The following CR1 variants were observed in gnomAD, a reference collection of about 807,000 sequenced individuals.
The protein encoded by CR1 is complement C3b/C4b receptor 1 (Knops blood group).
Under a neutral mutation model 187.3 loss-of-function variants are expected in CR1, and 116 were observed. The ratio of observed to expected loss-of-function variants is 0.62; its 90% CI spans 0.53 to 0.72. The LOEUF is 0.72. Ranked by LOEUF, CR1 falls within the 30% of genes least tolerant of loss-of-function variation. The pLI is 0.00. For synonymous variants in CR1, 576 were observed against 747.1 expected (o/e 0.77, Z 3.73); for missense variants, 1,731 against 2,110.7 (o/e 0.82, Z 3.52).
intron 35 of CR1, among the ~76,000 whole-genome samples, chr1:207,596,910 G>A (rs1485654924): frequency 6.8e-6 from 1 of 147,740 alleles, no homozygotes; most frequent in Non-Finnish European, 1.5e-5. Flanking sequence ...TTTTATACTG[G>A]TGTAAAGTAC....
chr1:207,581,494 CATG>C (rs898418881), intron 31 of CR1, among the ~76,000 whole-genome samples: 11 of 99,754 alleles, frequency 1.1e-4, no homozygotes, highest in African/African-American at 3.5e-4. Context: ...AATTTGCAGA[CATG>C]AAGAGATAAA....
At chr1:207,609,204 A>T (rs1661836435) in intron 36 of CR1, 86 bp from the exon 37 acceptor site, 3 of 1,229,586 alleles carry the variant, frequency 2.4e-6, no homozygotes, top group African/African-American at 1.5e-5. Context: ...AAATCATTGG[A>T]TTATTTGCAT....
rs57700679 is a variant in CR1 at position 207,593,084 on chromosome 1, C to CAAAA, written c.5810+4326_5810+4329dup. 8.5e-3 allele frequency among the ~76,000 whole-genome samples: 708 copies of CAAAA among 83,068 alleles called. 27 individuals carry two copies. The highest frequency in any genetic ancestry group is 0.028 in the African/African-American group (552 of 20,000). 54.5% of individuals were successfully genotyped at this position (83,068 alleles called of 152,430 possible). A position where few individuals can be genotyped will look rare whatever the true frequency, so the allele number is the denominator to read the frequency against. ...ACCAATGGCTTTCTTCACAGAATTA[C>CAAAA]AAAAAAAAAAAAAAAAAAACTACTT... On this transcript the variant is annotated intron_variant, in intron 35 of 46. Transcript: ENST00000367049.
intron 35 of CR1, among the ~76,000 whole-genome samples, chr1:207,594,449 G>A (rs983914216): frequency 1.3e-5 from 2 of 152,104 alleles, no homozygotes; most frequent in Admixed American, 6.5e-5. Context: ...AGTGGGGCCC[G>A]TCAGAGGGTA....
intron 1 of CR1, among the ~76,000 whole-genome samples, chr1:207,504,079 G>A (rs1399986757): frequency 6.6e-6 from 1 of 152,206 alleles, no homozygotes; most frequent in African/African-American, 2.4e-5. Context: ...TTAGCTAAGA[G>A]GGGAAAGGCA....
chr1:207,580,147 T>C, intron 29 of CR1, 93 bp from the exon 30 acceptor site: 1 of 1,530,534 alleles, frequency 6.5e-7, no homozygotes, highest in East Asian at 2.3e-5. Context: ...AATTGGGTTC[T>C]ATTTCTCTAC....
In CR1 at chr1:207,564,641, A is replaced by G. The variant is rs761845122; in HGVS notation, c.3866+407A>G. 1.3e-5 allele frequency among the ~76,000 whole-genome samples: 2 copies of G among 150,014 alleles called. 1 individual carries two copies. Among genetic ancestry groups the G allele is most frequent in the African/African-American group, 5.1e-5 (2 of 39,506 alleles). The stretch of plus-strand genomic sequence containing the variant: ...CATGGTGAAACCCTGTCTCTACTAA[A>G]AATACAAAAGTTAGCTGGGTTTGGT... On this transcript the variant is annotated intron_variant, in intron 23 of 46. Coordinates refer to ENST00000367049, the MANE Select transcript of CR1 (RefSeq NM_000651.6).
intron 37 of CR1, among the ~76,000 whole-genome samples, chr1:207,610,238 G>GTA (rs1024960851): frequency 6.6e-6 from 1 of 151,938 alleles, no homozygotes; most frequent in African/African-American, 2.4e-5. Flanking sequence ...ATATATATAT[G>GTA]TATATACACA....
Position 207,514,451 on chromosome 1 carries a change from G to A in CR1, c.487+2797G>A, listed in dbSNP as rs111284400. Among the ~76,000 whole-genome samples, 398 of 152,286 alleles carry A rather than the reference G, an allele frequency of 2.6e-3. 3 individuals carry two copies. Among genetic ancestry groups the A allele is most frequent in the Non-Finnish European group, 3.6e-3 (246 of 68,026 alleles). On this transcript the variant is annotated intron_variant, in intron 4 of 46. Transcript: ENST00000367049. ...CCTTTGAAAGATGATTAGGGCATGA[G>A]AGCAGAGCCATCACGAATGGGATTA...
At chr1:207,574,272 A>G (rs548515395) in intron 27 of CR1, among the ~76,000 whole-genome samples, 8 of 152,332 alleles carry the variant, frequency 5.3e-5, no homozygotes, top group African/African-American at 1.9e-4. Context: ...TAGAGAAAAA[A>G]ACTCTGATTC....
At chr1:207,524,873 G>GT (rs946293145) in intron 5 of CR1, among the ~76,000 whole-genome samples, 3 of 151,886 alleles carry the variant, frequency 2.0e-5, no homozygotes, top group African/African-American at 7.3e-5. Context: ...CATGCAGGTT[G>GT]TATTAGTCTG....
At chr1:207,601,342 A>T (rs1417288327) in intron 35 of CR1, among the ~76,000 whole-genome samples, 1 of 152,188 alleles carries the variant, frequency 6.6e-6, no homozygotes, top group African/African-American at 2.4e-5. Flanking sequence ...GAAGAAAAAT[A>T]CAATTTACCA....
chr1:207,566,803 C>A (rs1162020993), intron 24 of CR1, among the ~76,000 whole-genome samples: 1 of 150,244 alleles, frequency 6.7e-6, no homozygotes. Flanking sequence ...TGCTTCAATT[C>A]TTGATTCTAA....
At chr1:207,505,881 G>T in intron 1 of CR1, 23 bp from the exon 2 acceptor site, 1 of 1,578,942 alleles carries the variant, frequency 6.3e-7, no homozygotes, top group Non-Finnish European at 8.6e-7. Flanking sequence ...TAACTTTGAT[G>T]CTTCTATGGT....
Position 207,609,636 on chromosome 1 carries a change from G to T in CR1, c.6243G>T (p.Val2081=). The change falls in exon 37 of 47, where the codon GTG becomes GTT. Residue 2081 remains valine (V), a synonymous_variant. Coordinates refer to ENST00000367049, the MANE Select transcript of CR1 (RefSeq NM_000651.6). ...TTGTCATGGTAGGGTCCCACACTGT[G>T]CAGTGCCAGACCAATGGCAGATGGG... ...PGFVMVGSHT[V]QCQTNGRWGP... The T allele has an allele frequency of 6.2e-7, 1 of 1,607,780 alleles. No homozygotes were observed. Among genetic ancestry groups the T allele is most frequent in the Non-Finnish European group, 8.5e-7 (1 of 1,177,014 alleles).
At chr1:207,587,693 G>A (rs1037978370) in intron 34 of CR1, 128 bp downstream of exon 34, 1 of 801,810 alleles carries the variant, frequency 1.2e-6, no homozygotes, top group African/African-American at 1.8e-5. Flanking sequence ...GAACTCAGGA[G>A]TTCGCAACCA....
intron 35 of CR1, among the ~76,000 whole-genome samples, chr1:207,595,598 A>T (rs1020279445): frequency 2.6e-5 from 4 of 152,094 alleles, no homozygotes; most frequent in Admixed American, 1.3e-4. Context: ...GTACTCGGCC[A>T]AGCTGCCATT....
intron 45 of CR1, among the ~76,000 whole-genome samples, chr1:207,624,391 G>A (rs1662418167): frequency 6.6e-6 from 1 of 152,172 alleles, no homozygotes; most frequent in South Asian, 2.1e-4. Context: ...TTATATGGTT[G>A]ATGAGCAAGT....
intron 4 of CR1, 107 bp downstream of exon 4, chr1:207,511,761 C>A (rs76041657): frequency 1.6e-5 from 17 of 1,040,142 alleles, no homozygotes; most frequent in Non-Finnish European, 2.0e-5. Context: ...GTCCTTCACA[C>A]GGCTGAAGAC....
Sources: gnomAD v4.1 joint callset for allele counts (sites outside exome capture counted in the v4.1 genomes callset) on GRCh38, gnomAD v4.1.1 for gene constraint, MANE v1.5 for transcripts, NCBI Gene and HGNC (gene_info 2026-07-23, HGNC 2026-07-21) for gene names.